The following CSMD2 variants were observed in gnomAD, a reference collection of about 807,000 sequenced individuals.
CSMD2 encodes the protein CUB and sushi domain-containing protein 2.
CSMD2 carries 130 observed loss-of-function variants against 398.5 expected under a neutral mutation model. The ratio of observed to expected loss-of-function variants is 0.33; its 90% confidence interval spans 0.28 to 0.38. The LOEUF (loss-of-function observed/expected upper bound fraction) is 0.38. Among genes scored for constraint, CSMD2 ranks in the 10% least tolerant of loss-of-function variants. CSMD2 has a pLI of 1.00. For synonymous variants in CSMD2, 1,828 were observed against 1,908.5 expected (o/e 0.96, Z 1.10); for missense variants, 3,829 against 4,764.9 (o/e 0.80, Z 5.78).
chr1:33,771,590 C>T (rs1342827337), intron 13 of CSMD2, among the ~76,000 whole-genome samples: 1 of 151,898 alleles, frequency 6.6e-6, no homozygotes, highest in Non-Finnish European at 1.5e-5. Context: ...ATGGTTCATC[C>T]CAACTCATCA....
intron 3 of CSMD2, among the ~76,000 whole-genome samples, chr1:34,029,885 G>A (rs1650192193): frequency 6.6e-6 from 1 of 152,238 alleles, no homozygotes; most frequent in African/African-American, 2.4e-5. Context: ...GAAATAGGCT[G>A]TTCCTTCTGC....
At chr1:34,031,643 A>C (rs1247771466) in intron 3 of CSMD2, among the ~76,000 whole-genome samples, 1 of 151,706 alleles carries the variant, frequency 6.6e-6, no homozygotes, top group African/African-American at 2.4e-5. Context: ...AGGAGGCAGA[A>C]CTTGTCCTCT....
At chr1:33,724,855 T>C (rs1479158774) in intron 17 of CSMD2, 151 bp from the exon 18 acceptor site, 2 of 711,026 alleles carry the variant, frequency 2.8e-6, no homozygotes, top group Non-Finnish European at 4.6e-6. Context: ...CAGAATTTGC[T>C]GAGAGTGGCT....
intron 2 of CSMD2, among the ~76,000 whole-genome samples, chr1:34,085,529 A>T (rs1316476424): frequency 6.6e-6 from 1 of 152,168 alleles, no homozygotes; most frequent in Admixed American, 6.5e-5. Context: ...ACATTATGGC[A>T]GACTCATCAC....
chr1:33,582,159 C>A (rs755929687), intron 47 of CSMD2, among the ~76,000 whole-genome samples: 2 of 152,054 alleles, frequency 1.3e-5, no homozygotes, highest in Non-Finnish European at 2.9e-5. Context: ...GGCTCCCTAG[C>A]AGTAATGGGG....
At chr1:33,647,581 C>G (rs989443131) in intron 28 of CSMD2, among the ~76,000 whole-genome samples, 3 of 152,142 alleles carry the variant, frequency 2.0e-5, no homozygotes, top group Admixed American at 2.0e-4. Flanking sequence ...CTCACACTAA[C>G]TTGTTATAAC....
At position 33,600,359 on chromosome 1, in the gene CSMD2, AACTTGGG is replaced by A. The variant is rs1640132120; in HGVS notation, c.6856+499_6856+505del. 5.1e-6 allele frequency: 3 copies of A among 585,986 alleles called. No homozygotes were observed. The East Asian group carries it at 8.6e-5, about 17-fold the overall frequency. 36.3% of individuals were successfully genotyped at this position (585,986 alleles called of 1,614,324 possible). A position where few individuals can be genotyped will look rare whatever the true frequency, so the allele number is the denominator to read the frequency against. ...AAAATGAGGAAATATCCAGATCCCT[AACTTGGG>A]ACTTGTAGAAGAAAACAGGCTGCCA... On this transcript the variant is annotated intron_variant, in intron 44 of 70. Transcript: ENST00000373381.
chr1:34,159,340 C>CCCCCCG (rs1557450794), intron 1 of CSMD2, among the ~76,000 whole-genome samples: 1 of 124,142 alleles, frequency 8.1e-6, no homozygotes, highest in African/African-American at 3.5e-5. Flanking sequence ...CCCCCCCCCA[C>CCCCCCG]CCAGGAGCTT....
Position 34,089,196 on chromosome 1 carries a change from G to A in CSMD2, c.188-3C>T. The A allele has an allele frequency of 6.2e-7, 1 of 1,613,714 alleles. No individual in the cohort carries two copies. The highest frequency in any genetic ancestry group is 8.5e-7 in the Non-Finnish European group (1 of 1,179,754). On this transcript the variant is annotated splice_region_variant and splice_polypyrimidine_tract_variant and intron_variant, in intron 1 of 70. Coordinates refer to ENST00000373381, the MANE Select transcript of CSMD2 (RefSeq NM_001281956.2). ...CAGTTGGAACGTGCAGTTCTGGCCT[G>A]GGAAAGAGAAATGGAGCAGTTCAGA...
chr1:34,077,830 T>C (rs1187097448), intron 2 of CSMD2, among the ~76,000 whole-genome samples: 4 of 151,648 alleles, frequency 2.6e-5, no homozygotes, highest in Non-Finnish European at 1.5e-5. Context: ...CTGCCTATTG[T>C]GTACAGTGCT....
intron 15 of CSMD2, 101 bp downstream of exon 15, chr1:33,739,039 G>A: frequency 8.6e-7 from 1 of 1,160,912 alleles, no homozygotes; most frequent in Non-Finnish European, 1.2e-6. Flanking sequence ...GAAGAGGAAG[G>A]ACCAACGCAG....
At chr1:33,986,032 G>A (rs1377155743) in intron 3 of CSMD2, among the ~76,000 whole-genome samples, 2 of 152,120 alleles carry the variant, frequency 1.3e-5, no homozygotes, top group Non-Finnish European at 2.9e-5. Flanking sequence ...CCCAACCCAG[G>A]GAGCTCCTTG....
intron 14 of CSMD2, among the ~76,000 whole-genome samples, chr1:33,739,819 T>A (rs1646999229): frequency 6.6e-6 from 1 of 152,124 alleles, no homozygotes; most frequent in African/African-American, 2.4e-5. Flanking sequence ...CTAAGCATCA[T>A]AAAGGAGGTG....
intron 2 of CSMD2, among the ~76,000 whole-genome samples, chr1:34,043,520 G>C (rs759517252): frequency 6.6e-6 from 1 of 152,084 alleles, no homozygotes; most frequent in Non-Finnish European, 1.5e-5. Flanking sequence ...CTTCTTGATG[G>C]TAAGTCTCTT....
At chr1:33,962,393 C>T (rs551269847) in intron 3 of CSMD2, among the ~76,000 whole-genome samples, 1 of 152,312 alleles carries the variant, frequency 6.6e-6, no homozygotes, top group Non-Finnish European at 1.5e-5. Context: ...AAAGCATGTG[C>T]AGCATCTGTG....
Position 33,709,158 on chromosome 1 carries a change from C to A in CSMD2, c.3507G>T (p.Gln1169His). ...GCTGAATTCCCTTCCCTGGCTGGGT[C>A]TGGATGGAGTAGATGCATTCATGAT... ...NNNHECIYSI[Q>H]TQPGKGIQLK... Residue 1169 changes from glutamine to histidine, a missense_variant, in exon 22 of 71, where the codon CAG becomes CAT. By Grantham distance (24) the Gln-to-His change is conservative (BLOSUM62 0). Transcript: ENST00000373381. 4 of 1,614,114 alleles carry A rather than the reference C, an allele frequency of 2.5e-6. No homozygotes were observed. The highest frequency in any genetic ancestry group is 3.4e-6 in the Non-Finnish European group (4 of 1,179,966).
chr1:34,048,568 A>C (rs1313342974), intron 2 of CSMD2, among the ~76,000 whole-genome samples: 2 of 152,190 alleles, frequency 1.3e-5, no homozygotes, highest in Admixed American at 6.5e-5. Flanking sequence ...GAATTCTAAG[A>C]AGGCAAAAGA....
intron 2 of CSMD2, among the ~76,000 whole-genome samples, chr1:34,069,294 C>A (rs775760444): frequency 2.6e-5 from 4 of 152,176 alleles, no homozygotes; most frequent in Admixed American, 6.5e-5. Context: ...AGGTCTCTGT[C>A]TGCAGTGGTG....
At chr1:33,768,536 A>ATATGTG (rs1491514786) in intron 13 of CSMD2, among the ~76,000 whole-genome samples, 9 of 142,158 alleles carry the variant, frequency 6.3e-5, no homozygotes, top group African/African-American at 2.2e-4. Context: ...GTGTGCGTGC[A>ATATGTG]TGTGTGTGTG....
Sources: allele counts gnomAD v4.1 joint callset (sites outside exome capture counted in the v4.1 genomes callset), GRCh38; gene constraint gnomAD v4.1.1; transcripts MANE v1.5; gene names NCBI Gene and HGNC (gene_info 2026-07-23, HGNC 2026-07-21).